MRPL48: variants seen among roughly 807,000 people sequenced by gnomAD.
MRPL48 encodes large ribosomal subunit protein mL48.
In MRPL48, 16 loss-of-function variants were observed where a neutral mutation model predicts 32.9. The ratio of observed to expected loss-of-function variants is 0.49; its 90% CI spans 0.33 to 0.74. The LOEUF (loss-of-function observed/expected upper bound fraction) is 0.74, where lower values mean the gene tolerates loss of function less well. Among genes scored for constraint, MRPL48 ranks in the 30% least tolerant of loss-of-function variants. The pLI is 0.02. For missense variants in MRPL48, 206 were observed against 245.3 expected, an observed-to-expected ratio of 0.84 and a Z score of 1.07; for synonymous variants, 94 against 89.2, an observed-to-expected ratio of 1.05 and a Z score of -0.31.
At chr11:73,823,898 C>G (rs1037980458) in intron 3 of MRPL48, among the ~76,000 whole-genome samples, 4 of 151,614 alleles carry the variant, frequency 2.6e-5, no homozygotes, top group Admixed American at 2.0e-4. Context: ...GTCTGACACC[C>G]AGGCTGGAGT....
chr11:73,815,681 T>G (rs1947652146), intron 3 of MRPL48, among the ~76,000 whole-genome samples: 1 of 151,846 alleles, frequency 6.6e-6, no homozygotes, highest in Admixed American at 6.6e-5. Context: ...TTTGTTTTGT[T>G]TTTTTTACTT....
chr11:73,858,564 C>T (rs1948526085), intron 5 of MRPL48, among the ~76,000 whole-genome samples: 1 of 152,188 alleles, frequency 6.6e-6, no homozygotes. Flanking sequence ...CGTGAGCCAC[C>T]GCGCCTGGCC....
chr11:73,808,159 A>G, intron 2 of MRPL48, 154 bp from the exon 3 acceptor site: 1 of 717,706 alleles, frequency 1.4e-6, no homozygotes, highest in Non-Finnish European at 2.3e-6. Flanking sequence ...GGCACACATC[A>G]GGTCCTTATT....
chr11:73,807,949 T>A (rs528949541), intron 2 of MRPL48, among the ~76,000 whole-genome samples: 1 of 152,272 alleles, frequency 6.6e-6, no homozygotes, highest in South Asian at 2.1e-4. Context: ...ACTTCTTCGT[T>A]TTTTAAAACT....
chr11:73,796,571 CAGTG>C (rs1947257183), intron 1 of MRPL48, among the ~76,000 whole-genome samples: 1 of 152,212 alleles, frequency 6.6e-6, no homozygotes, highest in Admixed American at 6.5e-5. Context: ...CTATGAATGG[CAGTG>C]AGAGGCAGAC....
rs1369176983 is a variant in MRPL48, at chr11:73,849,939, A to AAAATACAAAAACTAGCCTGGCTTGGTG, written c.371+4964_371+4990dup. ...GTGGTGAAATCCTGTCTCTACATAA[A>AAAATACAAAAACTAGCCTGGCTTGGTG]AAATACAAAAACTAGCCTGGCTTGG... On this transcript the variant is annotated intron_variant, in intron 5 of 7. Coordinates refer to ENST00000310614, the MANE Select transcript of MRPL48 (RefSeq NM_016055.6). 7.2e-5 allele frequency among the ~76,000 whole-genome samples: 11 copies of AAAATACAAAAACTAGCCTGGCTTGGTG among 152,256 alleles called. No individual in the cohort carries two copies. In the East Asian group the frequency reaches 2.1e-3, roughly 29 times the overall value.
rs1391159123 is a variant in MRPL48, at chr11:73,820,857, T to G, written c.113-4851T>G. ...CCTGGGGGTAACCACTATTATAATT[T>G]TCTTCTGAATTCTGGTTTCAGTTAA... On this transcript the variant is annotated intron_variant, in intron 3 of 7. Transcript: ENST00000310614. 2.0e-5 allele frequency among the ~76,000 whole-genome samples: 3 copies of G among 152,212 alleles called. 1 individual carries two copies. Among genetic ancestry groups the G allele is most frequent in the African/African-American group, 7.2e-5 (3 of 41,460 alleles).
chr11:73,861,133 T>G (rs1404650653), intron 6 of MRPL48, among the ~76,000 whole-genome samples: 1 of 152,212 alleles, frequency 6.6e-6, no homozygotes, highest in African/African-American at 2.4e-5. Context: ...AATATTAAAT[T>G]TAAGTCTAAA....
intron 5 of MRPL48, among the ~76,000 whole-genome samples, chr11:73,854,842 A>T (rs1431006210): frequency 6.6e-6 from 1 of 152,208 alleles, no homozygotes; most frequent in Non-Finnish European, 1.5e-5. Context: ...CAAGCTAAGT[A>T]CATTTTTTTG....
At chr11:73,830,507 CT>C (rs1947973965) in intron 4 of MRPL48, among the ~76,000 whole-genome samples, 1 of 152,178 alleles carries the variant, frequency 6.6e-6, no homozygotes, top group Non-Finnish European at 1.5e-5. Context: ...TCTTATCCCT[CT>C]GGGGAACTGG....
chr11:73,835,580 T>C (rs1314839734), intron 4 of MRPL48, among the ~76,000 whole-genome samples: 2 of 151,962 alleles, frequency 1.3e-5, no homozygotes, highest in Non-Finnish European at 2.9e-5. Context: ...GTCCTATCTA[T>C]GTACACTACA....
intron 1 of MRPL48, among the ~76,000 whole-genome samples, chr11:73,803,217 T>C (rs1052831598): frequency 6.6e-6 from 1 of 151,812 alleles, no homozygotes; most frequent in Non-Finnish European, 1.5e-5. Flanking sequence ...AACCCCTGCC[T>C]CCCAGGTTCA....
At chr11:73,855,748 A>G (rs1160389825) in intron 5 of MRPL48, among the ~76,000 whole-genome samples, 2 of 152,146 alleles carry the variant, frequency 1.3e-5, no homozygotes, top group Admixed American at 6.5e-5. Context: ...GGCCTCCCAA[A>G]GTGCTGGGAT....
chr11:73,817,994 G>A (rs1348156507), intron 3 of MRPL48: 1 of 161,216 alleles, frequency 6.2e-6, no homozygotes, highest in South Asian at 1.5e-4. Context: ...TAAATTTTTT[G>A]TGAAGACAGG....
At chr11:73,821,493 G>T (rs988801795) in intron 3 of MRPL48, among the ~76,000 whole-genome samples, 1 of 152,028 alleles carries the variant, frequency 6.6e-6, no homozygotes, top group African/African-American at 2.4e-5. Flanking sequence ...TTGCCACCCT[G>T]ATCCTCTTGC....
At chr11:73,816,960 G>A (rs149442094) in intron 3 of MRPL48, among the ~76,000 whole-genome samples, 3,655 of 151,832 alleles carry the variant, frequency 0.024, 70 homozygotes, top group Non-Finnish European at 0.029. Context: ...CAAGCAGCTG[G>A]GATTACAGGT....
chr11:73,845,457 C>T (rs1948271486), intron 5 of MRPL48, among the ~76,000 whole-genome samples: 1 of 152,206 alleles, frequency 6.6e-6, no homozygotes, highest in Admixed American at 6.5e-5. Context: ...CATCCATCTC[C>T]ATCATGCTTT....
At chr11:73,795,441 T>C (rs1158006739) in intron 1 of MRPL48, among the ~76,000 whole-genome samples, 1 of 152,036 alleles carries the variant, frequency 6.6e-6, no homozygotes, top group Admixed American at 6.6e-5. Flanking sequence ...CAAGCAAGTC[T>C]GAGCAGTCAT....
chr11:73,830,115 G>C (rs1238634995), intron 4 of MRPL48, among the ~76,000 whole-genome samples: 3 of 152,114 alleles, frequency 2.0e-5, no homozygotes, highest in Non-Finnish European at 4.4e-5. Context: ...GGTCCCTAAG[G>C]GTAGAAGTCT....
Sources: gnomAD v4.1 joint callset for allele counts (sites outside exome capture counted in the v4.1 genomes callset) on GRCh38, gnomAD v4.1.1 for gene constraint, MANE v1.5 for transcripts, NCBI Gene and HGNC (gene_info 2026-07-23, HGNC 2026-07-21) for gene names.